Variants in MTHFD2L observed in about 807,000 individuals in gnomAD.
The protein encoded by MTHFD2L is methylenetetrahydrofolate dehydrogenase (NADP+ dependent) 2 like.
MTHFD2L carries 29 observed loss-of-function variants against 34.9 expected under a neutral mutation model. That is an observed-to-expected ratio of 0.83 (90% confidence interval 0.62 to 1.13). The LOEUF (loss-of-function observed/expected upper bound fraction) is 1.13, where lower values mean the gene tolerates loss of function less well. MTHFD2L is among the 50% of genes most tolerant of loss of function. The pLI is 0.00. For missense variants in MTHFD2L, 481 were observed against 446.5 expected, an observed-to-expected ratio of 1.08 and a Z score of -0.70; for synonymous variants, 167 against 155.7, an observed-to-expected ratio of 1.07 and a Z score of -0.54.
At position 74,301,907 on chromosome 4, in the gene MTHFD2L, A is replaced by G; in HGVS notation, c.*98A>G. Reference sequence around the variant, plus strand: ...TTACTACAAAGCTATTTATTTCTACATGGTATTTATTTTTTCATGGGTGAA... The same window carrying G: ...TTACTACAAAGCTATTTATTTCTACGTGGTATTTATTTTTTCATGGGTGAA... On this transcript the variant is annotated 3_prime_UTR_variant, in exon 8 of 8. Transcript: ENST00000325278. 1 of 567,078 alleles carries G rather than the reference A, an allele frequency of 1.8e-6. No homozygotes were observed. The highest frequency in any genetic ancestry group is 2.9e-6 in the Non-Finnish European group (1 of 346,212). The allele number at this position is 567,078 out of a possible 1,614,324, so 35.1% of individuals were successfully genotyped here.
intron 4 of MTHFD2L, 143 bp from the exon 5 acceptor site, chr4:74,201,120 G>C: frequency 1.7e-6 from 1 of 576,896 alleles, no homozygotes; most frequent in Non-Finnish European, 3.0e-6. Context: ...TATAAATAAT[G>C]AATGTGCTCA....
intron 6 of MTHFD2L, among the ~76,000 whole-genome samples, chr4:74,278,488 A>G (rs573130933): frequency 2.0e-5 from 3 of 152,164 alleles, no homozygotes; most frequent in East Asian, 1.9e-4. Flanking sequence ...ACAAACAACT[A>G]CCTTTAAAAA....
At chr4:74,120,381 T>C (rs1438602971), upstream of MTHFD2L, among the ~76,000 whole-genome samples, 1 of 152,236 alleles carries the variant, frequency 6.6e-6, no homozygotes, top group Non-Finnish European at 1.5e-5. Context: ...AAGATGTGCA[T>C]GAGGATATGT....
At chr4:74,156,624 T>A (rs1724281414), upstream of MTHFD2L, 1 of 152,194 alleles carries the variant, frequency 6.6e-6, no homozygotes, top group African/African-American at 2.4e-5. Flanking sequence ...TTTGTAAGAA[T>A]CTGCCAAACT....
intron 7 of MTHFD2L, among the ~76,000 whole-genome samples, chr4:74,296,674 C>G (rs949168272): frequency 3.7e-4 from 57 of 152,052 alleles, no homozygotes; most frequent in African/African-American, 1.3e-3. Context: ...CCTTTCCCAC[C>G]GTTAGAAATA....
At chr4:74,251,550 A>G (rs575880545) in intron 6 of MTHFD2L, among the ~76,000 whole-genome samples, 1 of 152,126 alleles carries the variant, frequency 6.6e-6, no homozygotes, top group South Asian at 2.1e-4. Flanking sequence ...TCTTCTGTTC[A>G]GAGTAGTTTT....
intron 6 of MTHFD2L, among the ~76,000 whole-genome samples, chr4:74,258,239 A>G (rs1012809298): frequency 6.6e-6 from 1 of 152,194 alleles, no homozygotes; most frequent in Non-Finnish European, 1.5e-5. Flanking sequence ...TACGTAGCCT[A>G]TGGAATTGAA....
intron 6 of MTHFD2L, chr4:74,267,313 CT>C: frequency 1.3e-6 from 1 of 778,982 alleles, no homozygotes; most frequent in Non-Finnish European, 1.6e-6. Context: ...TCTTTTCTTT[CT>C]TTCTCTTTCT....
chr4:74,250,539 A>G (rs1483476956), intron 6 of MTHFD2L, among the ~76,000 whole-genome samples: 4 of 152,158 alleles, frequency 2.6e-5, no homozygotes, highest in Non-Finnish European at 5.9e-5. Flanking sequence ...CATAGTAGCT[A>G]TTCAGCAAAT....
chr4:74,193,264 A>G (rs563361551), intron 3 of MTHFD2L, among the ~76,000 whole-genome samples: 34 of 152,296 alleles, frequency 2.2e-4, no homozygotes, highest in Admixed American at 5.9e-4. Flanking sequence ...TTCACATTCT[A>G]TAAGTGTGAC....
chr4:74,189,152 T>A (rs1039715302), intron 3 of MTHFD2L, among the ~76,000 whole-genome samples: 2 of 152,170 alleles, frequency 1.3e-5, no homozygotes, highest in African/African-American at 2.4e-5. Context: ...TATGAAAAAC[T>A]AATTTAAATT....
At chr4:74,260,923 CAAAG>C (rs79596098) in intron 6 of MTHFD2L, among the ~76,000 whole-genome samples, 43,965 of 144,332 alleles carry the variant, frequency 0.3, 7,328 homozygotes, top group African/African-American at 0.47. Context: ...TTAAAAAAAA[CAAAG>C]AAACAATTAA....
At chr4:74,149,779 T>C (rs940322565) in intron 1 of MTHFD2L, among the ~76,000 whole-genome samples, 30 of 152,242 alleles carry the variant, frequency 2.0e-4, no homozygotes, top group African/African-American at 7.2e-4. Context: ...AAGGGTGTTA[T>C]GTGTTGTGGT....
chr4:74,187,844 G>A (rs186529108), intron 3 of MTHFD2L, among the ~76,000 whole-genome samples: 5 of 133,468 alleles, frequency 3.7e-5, no homozygotes, highest in Admixed American at 1.4e-4. Context: ...CATTGGTCCA[G>A]CCATTCCGTG....
chr4:74,287,690 T>C (rs950703776), intron 7 of MTHFD2L, among the ~76,000 whole-genome samples: 5 of 152,140 alleles, frequency 3.3e-5, no homozygotes, highest in Non-Finnish European at 7.4e-5. Flanking sequence ...GAGGTTGCAG[T>C]GAGCCGAGAT....
At chr4:74,297,103 T>C in intron 7 of MTHFD2L, among the ~76,000 whole-genome samples, 1 of 152,100 alleles carries the variant, frequency 6.6e-6, no homozygotes, top group South Asian at 2.1e-4. Flanking sequence ...TTCAAGGAAA[T>C]ATATGGAATT....
chr4:74,204,807 A>G (rs1735021207), intron 5 of MTHFD2L, among the ~76,000 whole-genome samples: 1 of 152,160 alleles, frequency 6.6e-6, no homozygotes, highest in African/African-American at 2.4e-5. Context: ...TGATTTATTT[A>G]TAGATGCATA....
intron 3 of MTHFD2L, among the ~76,000 whole-genome samples, chr4:74,196,000 G>A (rs1430652768): frequency 1.3e-5 from 2 of 152,064 alleles, no homozygotes; most frequent in African/African-American, 2.4e-5. Context: ...TTTCCCTTTA[G>A]CTTAGTGATT....
chr4:74,173,786 T>C (rs1223693988), intron 1 of MTHFD2L, among the ~76,000 whole-genome samples: 1 of 152,150 alleles, frequency 6.6e-6, no homozygotes, highest in Non-Finnish European at 1.5e-5. Flanking sequence ...AGTCCAGATC[T>C]TGAGTATGTG....
Sources: allele counts gnomAD v4.1 joint callset (sites outside exome capture counted in the v4.1 genomes callset), GRCh38; gene constraint gnomAD v4.1.1; transcripts MANE v1.5; gene names NCBI Gene and HGNC (gene_info 2026-07-23, HGNC 2026-07-21).